Variants in MAN1C1 observed in about 807,000 individuals in gnomAD.
MAN1C1 encodes mannosidase alpha class 1C member 1.
Under a neutral mutation model 71.5 loss-of-function variants are expected in MAN1C1, and 49 were observed. That is an observed-to-expected ratio of 0.69 (90% CI 0.54 to 0.87). The LOEUF (loss-of-function observed/expected upper bound fraction) is 0.87. Ranked by LOEUF, MAN1C1 falls within the 40% of genes least tolerant of loss-of-function variation. MAN1C1 has a pLI of 0.00. For missense variants in MAN1C1, 743 were observed against 835.0 expected, an observed-to-expected ratio of 0.89 and a Z score of 1.36; for synonymous variants, 352 against 343.7, an observed-to-expected ratio of 1.02 and a Z score of -0.27.
chr1:25,686,428 T>G lies in MAN1C1; in HGVS notation c.541-12T>G. On this transcript the variant is annotated splice_polypyrimidine_tract_variant and intron_variant, in intron 1 of 11. Coordinates refer to ENST00000374332, the MANE Select transcript of MAN1C1 (RefSeq NM_020379.4). Reference sequence around the variant, plus strand: ...CACACTGAGGTTCTCTCTATGCTGCTTTTTCTTGCAGATGATGCAGTTTGC... The same window carrying G: ...CACACTGAGGTTCTCTCTATGCTGCGTTTTCTTGCAGATGATGCAGTTTGC... 6.2e-7 allele frequency: 1 copy of G among 1,613,020 alleles called. No individual in the cohort carries two copies. The highest frequency in any genetic ancestry group is 8.5e-7 in the Non-Finnish European group (1 of 1,179,022).
At chr1:25,759,489 C>A (rs564295432) in intron 6 of MAN1C1, 10 of 152,392 alleles carry the variant, frequency 6.6e-5, no homozygotes, top group African/African-American at 2.4e-4. Context: ...AAAGCCTTGT[C>A]TTCCCCCTGG....
intron 2 of MAN1C1, among the ~76,000 whole-genome samples, chr1:25,717,107 C>A (rs1226526437): frequency 6.6e-6 from 1 of 152,166 alleles, no homozygotes; most frequent in Non-Finnish European, 1.5e-5. Context: ...AAAAATAATG[C>A]CGCTTTGAAC....
chr1:25,713,615 A>T (rs2046641900), intron 2 of MAN1C1, among the ~76,000 whole-genome samples: 1 of 152,176 alleles, frequency 6.6e-6, no homozygotes, highest in Admixed American at 6.5e-5. Flanking sequence ...AACCCGAGAC[A>T]TGGAGTTTAT....
chr1:25,783,968 G>A lies in MAN1C1; in HGVS notation c.*179G>A, dbSNP rs2047733924. On this transcript the variant is annotated 3_prime_UTR_variant, in exon 12 of 12. Transcript: ENST00000374332. ...AGACAAGACTTGGAGACTCAGCGAT[G>A]TCAGGCCAGGGCCATGGCCACACTG... 1 of 788,836 alleles carries A rather than the reference G, an allele frequency of 1.3e-6. No homozygotes were observed. The highest frequency in any genetic ancestry group is 2.0e-6 in the Non-Finnish European group (1 of 512,728). The allele number at this position is 788,836 out of a possible 1,614,324, so 48.9% of individuals were successfully genotyped here.
At chr1:25,712,834 C>T (rs896673687) in intron 2 of MAN1C1, among the ~76,000 whole-genome samples, 2 of 152,110 alleles carry the variant, frequency 1.3e-5, no homozygotes, top group Non-Finnish European at 2.9e-5. Context: ...TGGATTCCCA[C>T]GGTCCCTGGG....
chr1:25,706,671 G>C (rs1557773615), intron 2 of MAN1C1, among the ~76,000 whole-genome samples: 1 of 152,248 alleles, frequency 6.6e-6, no homozygotes, highest in African/African-American at 2.4e-5. Context: ...GATTTACTTG[G>C]TGAGAATGCC....
At chr1:25,780,481 C>T (rs1462167757) in intron 9 of MAN1C1, among the ~76,000 whole-genome samples, 3 of 152,190 alleles carry the variant, frequency 2.0e-5, no homozygotes, top group African/African-American at 7.2e-5. Context: ...GGAGAAGCCT[C>T]ATTTCACATT....
At chr1:25,737,938 A>T (rs1370095096) in intron 2 of MAN1C1, among the ~76,000 whole-genome samples, 1 of 152,120 alleles carries the variant, frequency 6.6e-6, no homozygotes, top group African/African-American at 2.4e-5. Flanking sequence ...AGAGCAGGAC[A>T]AGAGGTGAGG....
chr1:25,737,372 G>A (rs1186645488), intron 2 of MAN1C1, among the ~76,000 whole-genome samples: 1 of 152,130 alleles, frequency 6.6e-6, no homozygotes, highest in Non-Finnish European at 1.5e-5. Context: ...GTTCCACCAG[G>A]GCCCTGACGT....
chr1:25,648,248 A>C (rs950117164), intron 1 of MAN1C1, among the ~76,000 whole-genome samples: 2 of 152,248 alleles, frequency 1.3e-5, no homozygotes, highest in African/African-American at 4.8e-5. Flanking sequence ...ATTGAGCTTT[A>C]GAAAAGGAGT....
intron 2 of MAN1C1, among the ~76,000 whole-genome samples, chr1:25,736,908 C>A (rs567448321): frequency 6.6e-6 from 1 of 152,336 alleles, no homozygotes; most frequent in African/African-American, 2.4e-5. Flanking sequence ...AGGCTGAGAT[C>A]AGAACCGGGT....
chr1:25,635,661 C>A (rs1343740334), intron 1 of MAN1C1, among the ~76,000 whole-genome samples: 5 of 152,196 alleles, frequency 3.3e-5, no homozygotes, highest in African/African-American at 1.2e-4. Flanking sequence ...GTTGGTCAGG[C>A]TGGTCTCAAA....
At chr1:25,742,099 C>A (rs545207952) in intron 2 of MAN1C1, among the ~76,000 whole-genome samples, 16 of 152,300 alleles carry the variant, frequency 1.1e-4, no homozygotes, top group African/African-American at 3.1e-4. Context: ...GCTAGTGGAA[C>A]CAGTTCAGGC....
At chr1:25,635,455 T>TA (rs1009168711) in intron 1 of MAN1C1, among the ~76,000 whole-genome samples, 7 of 147,342 alleles carry the variant, frequency 4.8e-5, no homozygotes, top group Admixed American at 6.7e-5. Flanking sequence ...TTTTTTTTTT[T>TA]ATGTGTGTGT....
intron 7 of MAN1C1, among the ~76,000 whole-genome samples, chr1:25,768,493 AGACC>A (rs1219224059): frequency 8.0e-5 from 4 of 50,108 alleles, no homozygotes; most frequent in East Asian, 6.5e-4. Flanking sequence ...TCCCCCACAC[AGACC>A]CACACACCCA....
At chr1:25,650,513 T>C (rs3767904) in intron 1 of MAN1C1, among the ~76,000 whole-genome samples, 29,600 of 152,152 alleles carry the variant, frequency 0.19, 3,185 homozygotes, top group East Asian at 0.37. Context: ...GGGGTCCTGT[T>C]TGGGGAGCTC....
At chr1:25,758,876 C>G in intron 6 of MAN1C1, 167 bp downstream of exon 6, 1 of 637,998 alleles carries the variant, frequency 1.6e-6, no homozygotes, top group South Asian at 1.8e-5. Context: ...CTACCTATAC[C>G]CCAACGCCAG....
rs1008671627 is a variant in MAN1C1 at position 25,782,149 on chromosome 1, G to A, written c.1651-436G>A. Among the ~76,000 whole-genome samples the A allele has an allele frequency of 2.0e-5, 3 of 151,986 alleles. No individual in the cohort carries two copies. Among genetic ancestry groups the A allele is most frequent in the African/African-American group, 7.3e-5 (3 of 41,372 alleles). On this transcript the variant is annotated intron_variant, in intron 10 of 11. Coordinates refer to ENST00000374332, the MANE Select transcript of MAN1C1 (RefSeq NM_020379.4). This position sits in a 1 kb window ranked among gnomAD's most constrained non-coding sequence, Gnocchi z 4.4. ...TGGCTCACTTGCCTCCAGCCCAGGG[G>A]CCATCTCTCCTGAGAATCCCTGGAG...
At chr1:25,652,076 C>G (rs558127740) in intron 1 of MAN1C1, among the ~76,000 whole-genome samples, 3 of 152,356 alleles carry the variant, frequency 2.0e-5, no homozygotes, top group African/African-American at 7.2e-5. Flanking sequence ...TCTGATTGGC[C>G]TCTTCATAGC....
Sources: gnomAD v4.1 joint callset for allele counts (sites outside exome capture counted in the v4.1 genomes callset) on GRCh38, gnomAD v4.1.1 for gene constraint, Gnocchi (gnomAD v3.1) non-coding constraint, MANE v1.5 for transcripts, NCBI Gene and HGNC (gene_info 2026-07-23, HGNC 2026-07-21) for gene names.